COX10: variants seen among roughly 807,000 people sequenced by gnomAD.
COX10 encodes the protein protoheme IX farnesyltransferase, mitochondrial.
Under a neutral mutation model 37.3 loss-of-function variants are expected in COX10, and 27 were observed. The ratio of observed to expected loss-of-function variants is 0.72; its 90% CI spans 0.53 to 1.00. The LOEUF is 1.00. COX10 is among the 50% of genes least tolerant of loss of function. The pLI is 0.00. For synonymous variants in COX10, 222 were observed against 229.1 expected (o/e 0.97, Z 0.28); for missense variants, 475 against 563.2 (o/e 0.84, Z 1.59).
intron 6 of COX10, among the ~76,000 whole-genome samples, chr17:14,200,142 C>T (rs902444777): frequency 1.3e-5 from 2 of 152,076 alleles, no homozygotes; most frequent in Non-Finnish European, 2.9e-5. Flanking sequence ...GAAAACAAGC[C>T]GAAACCGATG....
intron 5 of COX10, among the ~76,000 whole-genome samples, chr17:14,161,873 A>G (rs8079642): frequency 0.41 from 62,953 of 151,992 alleles, 13,354 homozygotes; most frequent in African/African-American, 0.51. Context: ...CTCAGCCACC[A>G]TAATTGCATG....
At chr17:14,103,918 T>C (rs1192182514) in intron 4 of COX10, among the ~76,000 whole-genome samples, 1 of 152,162 alleles carries the variant, frequency 6.6e-6, no homozygotes, top group African/African-American at 2.4e-5. Context: ...ACAGAATGCA[T>C]GTTGGGATTC....
chr17:14,073,144 CTG>C (rs1345525976), intron 1 of COX10, among the ~76,000 whole-genome samples: 1 of 152,164 alleles, frequency 6.6e-6, no homozygotes, highest in Non-Finnish European at 1.5e-5. Flanking sequence ...AGGAAGAAAA[CTG>C]TTGCCTCTGG....
chr17:14,128,289 T>G (rs1916388451), intron 4 of COX10, among the ~76,000 whole-genome samples: 1 of 151,176 alleles, frequency 6.6e-6, no homozygotes, highest in African/African-American at 2.4e-5. Context: ...TCAGCAGCAG[T>G]TTTTTTTTAG....
At chr17:14,149,214 A>G (rs865922723) in intron 4 of COX10, among the ~76,000 whole-genome samples, 76 of 151,922 alleles carry the variant, frequency 5.0e-4, no homozygotes, top group African/African-American at 1.8e-3. Context: ...TGATTCCCAA[A>G]CCAATTATGA....
intron 4 of COX10, among the ~76,000 whole-genome samples, chr17:14,107,654 C>G (rs1318484983): frequency 1.3e-5 from 2 of 149,762 alleles, no homozygotes; most frequent in Non-Finnish European, 3.0e-5. Context: ...CTACTGTCAG[C>G]CTAATTGTAC....
chr17:14,130,163 G>C (rs978626289), intron 4 of COX10, among the ~76,000 whole-genome samples: 1 of 152,152 alleles, frequency 6.6e-6, no homozygotes, highest in African/African-American at 2.4e-5. Flanking sequence ...AATTATCTTA[G>C]AGGTGATTGT....
intron 3 of COX10, among the ~76,000 whole-genome samples, chr17:14,088,541 T>C (rs552660372): frequency 2.0e-5 from 3 of 152,286 alleles, no homozygotes; most frequent in African/African-American, 7.2e-5. Flanking sequence ...ATTGAACTGA[T>C]TGTAAGTATA....
intron 2 of COX10, 101 bp downstream of exon 2, chr17:14,074,557 T>C: frequency 1.0e-5 from 12 of 1,152,982 alleles, no homozygotes; most frequent in Non-Finnish European, 1.6e-5. Flanking sequence ...AGAAATACTG[T>C]TTGAAAAGAA....
intron 3 of COX10, among the ~76,000 whole-genome samples, chr17:14,079,920 C>G (rs966551974): frequency 6.6e-6 from 1 of 151,752 alleles, no homozygotes; most frequent in Non-Finnish European, 1.5e-5. Flanking sequence ...TTTCTTATGA[C>G]AGTATAGTTT....
chr17:14,173,106 CTT>C (rs979778338), intron 5 of COX10, among the ~76,000 whole-genome samples: 20 of 152,194 alleles, frequency 1.3e-4, no homozygotes, highest in Non-Finnish European at 1.5e-5. Flanking sequence ...TATTAATACT[CTT>C]GTCACGTGGA....
At chr17:14,174,104 G>A (rs1905573499) in intron 5 of COX10, among the ~76,000 whole-genome samples, 1 of 151,806 alleles carries the variant, frequency 6.6e-6, no homozygotes, top group South Asian at 2.1e-4. Flanking sequence ...CAGACATGAT[G>A]AAGAACTCAT....
At chr17:14,204,928 C>T (rs1006773854) in intron 6 of COX10, among the ~76,000 whole-genome samples, 6 of 152,020 alleles carry the variant, frequency 3.9e-5, no homozygotes, top group African/African-American at 1.5e-4. Context: ...ATGGTGAGAC[C>T]CCATCTCTAC....
At chr17:14,121,302 A>G (rs1271201576) in intron 4 of COX10, among the ~76,000 whole-genome samples, 1 of 152,212 alleles carries the variant, frequency 6.6e-6, no homozygotes, top group Non-Finnish European at 1.5e-5. Flanking sequence ...TGGCAAGGAA[A>G]AGATAATAAT....
intron 3 of COX10, among the ~76,000 whole-genome samples, chr17:14,082,185 A>G (rs1392298880): frequency 6.6e-6 from 1 of 152,184 alleles, no homozygotes; most frequent in African/African-American, 2.4e-5. Context: ...GGATTGGGTA[A>G]GGTATATAAT....
At chr17:14,147,593 T>G (rs921180919) in intron 4 of COX10, among the ~76,000 whole-genome samples, 1 of 152,126 alleles carries the variant, frequency 6.6e-6, no homozygotes, top group Non-Finnish European at 1.5e-5. Context: ...AGAGTGACTA[T>G]AGTCAATAAT....
At position 14,069,597 on chromosome 17, in the gene COX10, T is replaced by G; in HGVS notation, c.-9T>G. The G allele has an allele frequency of 6.2e-7, 1 of 1,613,936 alleles. No homozygotes were observed. The highest frequency in any genetic ancestry group is 1.3e-5 in the African/African-American group (1 of 75,008). Reference sequence around the variant, plus strand: ...GGGATCCCGGGGAGCGGCCCCAGACTCGTAAATTATGGCCGCATCTCCGCA... The same window carrying G: ...GGGATCCCGGGGAGCGGCCCCAGACGCGTAAATTATGGCCGCATCTCCGCA... On this transcript the variant is annotated 5_prime_UTR_variant, in exon 1 of 7. Transcript: ENST00000261643.
At chr17:14,179,693 G>GAA (rs1391926962) in intron 5 of COX10, among the ~76,000 whole-genome samples, 2 of 152,052 alleles carry the variant, frequency 1.3e-5, no homozygotes, top group African/African-American at 4.8e-5. Flanking sequence ...AGAGACATCT[G>GAA]TATTTTGATT....
At chr17:14,154,140 G>A (rs752955716) in intron 4 of COX10, among the ~76,000 whole-genome samples, 2 of 152,124 alleles carry the variant, frequency 1.3e-5, no homozygotes, top group Non-Finnish European at 2.9e-5. Context: ...TGGAAGAGGC[G>A]GACTACAGGG....
Sources: gnomAD v4.1 joint callset for allele counts (sites outside exome capture counted in the v4.1 genomes callset) on GRCh38, gnomAD v4.1.1 for gene constraint, MANE v1.5 for transcripts, NCBI Gene and HGNC (gene_info 2026-07-23, HGNC 2026-07-21) for gene names.